CDC42BPA: variants seen among roughly 807,000 people sequenced by gnomAD.
CDC42BPA encodes serine/threonine-protein kinase MRCK alpha.
Under a neutral mutation model 223.5 loss-of-function variants are expected in CDC42BPA, and 80 were observed. The ratio of observed to expected loss-of-function variants is 0.36; its 90% CI spans 0.30 to 0.43. The LOEUF is 0.43. Ranked by LOEUF, CDC42BPA falls within the 20% of genes least tolerant of loss-of-function variation. CDC42BPA has a pLI of 1.00. For synonymous variants in CDC42BPA, 694 were observed against 718.6 expected (o/e 0.97, Z 0.55); for missense variants, 1,743 against 2,099.9 (o/e 0.83, Z 3.32).
At chr1:227,121,387 T>C (rs748519519) in intron 11 of CDC42BPA, among the ~76,000 whole-genome samples, 1 of 152,134 alleles carries the variant, frequency 6.6e-6, no homozygotes, top group African/African-American at 2.4e-5. Context: ...AGATGAATCC[T>C]GGAGTCTAAA....
intron 26 of CDC42BPA, among the ~76,000 whole-genome samples, chr1:227,033,675 C>T (rs192990386): frequency 9.9e-4 from 150 of 152,256 alleles, no homozygotes; most frequent in Non-Finnish European, 1.6e-3. Context: ...TAAGTATACA[C>T]GTAGAACTGG....
rs1349209375 is a variant in CDC42BPA at position 227,206,385 on chromosome 1, TAGAAA to T, written c.355-6738_355-6734del. On this transcript the variant is annotated intron_variant, in intron 3 of 36. Coordinates refer to ENST00000366766, the MANE Select transcript of CDC42BPA (RefSeq NM_001394014.1). ...ATTATTATACCTTTCTGCCCAGGTA[TAGAAA>T]AGAGAGGAGGCTTCCTAGCACCTTT... 1.5e-4 allele frequency among the ~76,000 whole-genome samples: 23 copies of T among 152,294 alleles called. No individual in the cohort carries two copies. In the East Asian group the frequency reaches 4.0e-3, roughly 27 times the overall value.
intron 1 of CDC42BPA, among the ~76,000 whole-genome samples, chr1:227,273,995 CAAAAAAAAAAAA>C (rs10599884): frequency 5.3e-5 from 3 of 57,002 alleles, no homozygotes; most frequent in Non-Finnish European, 6.4e-5. Context: ...TCGTATACAC[CAAAAAAAAAAAA>C]AAAAAAAAAA....
rs763804648 is a variant in CDC42BPA, at chr1:227,147,471, G to A, written c.782C>T (p.Pro261Leu). 1 of 1,613,098 alleles carries A rather than the reference G, an allele frequency of 6.2e-7. No homozygotes were observed. Among genetic ancestry groups the A allele is most frequent in the Non-Finnish European group, 8.5e-7 (1 of 1,179,446 alleles). Residue 261 changes from proline (P) to leucine (L), a missense_variant, in exon 7 of 37, where the codon CCT (proline) becomes CTT (leucine). By Grantham distance (98) the Pro-to-Leu change is moderately conservative. Transcript: ENST00000366766. ...CCCCAAAGACCACCAGTCACATTCA[G>A]GTCCATATCTCCCTTTTCCATCTTC... The part of the protein sequence containing the change: ...AMEDGKGRYG[P>L]ECDWWSLGVC...
chr1:227,103,652 A>C (rs1277166941), intron 14 of CDC42BPA, among the ~76,000 whole-genome samples: 1 of 152,126 alleles, frequency 6.6e-6, no homozygotes, highest in Non-Finnish European at 1.5e-5. Context: ...CTAAAGTATC[A>C]CTATGACAGA....
At chr1:227,266,276 G>A (rs1008270317) in intron 1 of CDC42BPA, among the ~76,000 whole-genome samples, 1 of 152,166 alleles carries the variant, frequency 6.6e-6, no homozygotes, top group Non-Finnish European at 1.5e-5. Context: ...TTTCCTTAAT[G>A]AGTAAGAAGA....
rs183129729 is a variant in CDC42BPA at position 227,146,619 on chromosome 1, A to C, written c.894+740T>G. The stretch of plus-strand genomic sequence containing the variant: ...GACTGCTAATAAAACCTTTCTTCTT[A>C]TTATTATGAACAGTCTATTTCACTT... On this transcript the variant is annotated intron_variant, in intron 7 of 36. Transcript: ENST00000366766. Among the ~76,000 whole-genome samples, 312 of 152,228 alleles carry C rather than the reference A, an allele frequency of 2.0e-3. 2 individuals are homozygous for C. Among genetic ancestry groups the C allele is most frequent in the African/African-American group, 7.3e-3 (302 of 41,554 alleles).
Position 227,171,616 on chromosome 1 carries a change from CA to C in CDC42BPA, c.600-10981del, listed in dbSNP as rs544183179. Reference sequence around the variant, plus strand: ...TGGGTGACAGAGCAAGATCCTGTCTCAAAAAAAAAGCATTCTAAAACAACGA... The same window carrying C: ...TGGGTGACAGAGCAAGATCCTGTCTCAAAAAAAAGCATTCTAAAACAACGA... On this transcript the variant is annotated intron_variant, in intron 5 of 36. Coordinates refer to ENST00000366766, the MANE Select transcript of CDC42BPA (RefSeq NM_001394014.1). 1.5e-4 allele frequency among the ~76,000 whole-genome samples: 23 copies of C among 148,730 alleles called. No individual in the cohort carries two copies. In the East Asian group the frequency reaches 2.8e-3, roughly 18 times the overall value.
intron 21 of CDC42BPA, among the ~76,000 whole-genome samples, chr1:227,056,278 A>C (rs1674532105): frequency 6.6e-6 from 1 of 152,208 alleles, no homozygotes; most frequent in Non-Finnish European, 1.5e-5. Flanking sequence ...CCAAGATGTG[A>C]TATGGATTAT....
At chr1:227,054,238 G>T (rs1674115349) in intron 21 of CDC42BPA, among the ~76,000 whole-genome samples, 1 of 152,176 alleles carries the variant, frequency 6.6e-6, no homozygotes, top group African/African-American at 2.4e-5. Flanking sequence ...TAACGGCTTT[G>T]TATTATCTGG....
chr1:227,078,617 A>T (rs932299494), intron 17 of CDC42BPA, among the ~76,000 whole-genome samples: 10 of 152,028 alleles, frequency 6.6e-5, no homozygotes, highest in Non-Finnish European at 1.0e-4. Context: ...GCTCTAAAAG[A>T]GTTTCTGATG....
At chr1:227,004,939 G>A in intron 35 of CDC42BPA, 55 bp downstream of exon 35, 1 of 1,155,176 alleles carries the variant, frequency 8.7e-7, no homozygotes, top group Non-Finnish European at 1.3e-6. Context: ...CAGGAGGGGA[G>A]GGAGCTGGGG....
intron 1 of CDC42BPA, among the ~76,000 whole-genome samples, chr1:227,288,562 G>T (rs1689168309): frequency 6.6e-6 from 1 of 152,036 alleles, no homozygotes. Context: ...AGCCGGGCGT[G>T]GTGCACACCT....
chr1:227,106,088 T>C (rs758623924), intron 14 of CDC42BPA, among the ~76,000 whole-genome samples: 23 of 152,316 alleles, frequency 1.5e-4, no homozygotes, highest in Non-Finnish European at 3.2e-4. Flanking sequence ...CTCTACCTTC[T>C]TGTTAAGACC....
At chr1:227,153,917 C>T (rs748794608) in intron 6 of CDC42BPA, among the ~76,000 whole-genome samples, 3 of 151,678 alleles carry the variant, frequency 2.0e-5, no homozygotes, top group Non-Finnish European at 4.4e-5. Flanking sequence ...TTTTATAAGG[C>T]TAAAATGACC....
intron 13 of CDC42BPA, 65 bp downstream of exon 13, chr1:227,112,606 C>G (rs1271459385): frequency 3.7e-6 from 5 of 1,366,576 alleles, no homozygotes; most frequent in Non-Finnish European, 5.0e-6. Flanking sequence ...TATTATATTA[C>G]TAGTCTCAAA....
chr1:227,245,286 T>C (rs1052776503), intron 2 of CDC42BPA, among the ~76,000 whole-genome samples: 3 of 98,848 alleles, frequency 3.0e-5, no homozygotes, highest in African/African-American at 9.7e-5. Context: ...TCTTGCATCT[T>C]TTTTTTTTTT....
intron 2 of CDC42BPA, among the ~76,000 whole-genome samples, chr1:227,236,319 C>A (rs568546324): frequency 1.3e-5 from 2 of 152,036 alleles, no homozygotes; most frequent in African/African-American, 2.4e-5. Flanking sequence ...ATCATCTTAA[C>A]GTGGAATTGG....
At chr1:227,103,898 G>A (rs1049008454) in intron 14 of CDC42BPA, among the ~76,000 whole-genome samples, 1 of 151,986 alleles carries the variant, frequency 6.6e-6, no homozygotes, top group African/African-American at 2.4e-5. Flanking sequence ...CTGAGAGAAG[G>A]ACAAGCCAAG....
Sources: allele counts gnomAD v4.1 joint callset (sites outside exome capture counted in the v4.1 genomes callset), GRCh38; gene constraint gnomAD v4.1.1; transcripts MANE v1.5; gene names NCBI Gene and HGNC (gene_info 2026-07-23, HGNC 2026-07-21).